Variants in N4BP1 observed in about 807,000 individuals in gnomAD.
N4BP1 encodes NEDD4-binding protein 1.
In N4BP1, 21 loss-of-function variants were observed where a neutral mutation model predicts 70.9. The observed-to-expected ratio is 0.30, with a 90% CI of 0.21 to 0.43. The LOEUF (loss-of-function observed/expected upper bound fraction) is 0.43. Among genes scored for constraint, N4BP1 ranks in the 20% least tolerant of loss-of-function variants. The pLI, the probability that N4BP1 is intolerant of heterozygous loss-of-function variation, is 1.00. For missense variants in N4BP1, 936 were observed against 1,069.4 expected (o/e 0.88, Z 1.74); for synonymous variants, 387 against 394.6 (o/e 0.98, Z 0.23).
At chr16:48,608,821 G>A (rs1324540579) in intron 1 of N4BP1, among the ~76,000 whole-genome samples, 5 of 151,898 alleles carry the variant, frequency 3.3e-5, no homozygotes, top group South Asian at 2.1e-4. Flanking sequence ...AAGCCATAAG[G>A]GCTGCACATT....
At chr16:48,597,335 G>A (rs2151101164) in intron 1 of N4BP1, among the ~76,000 whole-genome samples, 1 of 152,292 alleles carries the variant, frequency 6.6e-6, no homozygotes, top group Middle Eastern at 3.4e-3. Context: ...GGTATATGAA[G>A]CTGTCCTCAC....
intron 1 of N4BP1, among the ~76,000 whole-genome samples, chr16:48,570,073 C>T (rs778062206): frequency 1.3e-5 from 2 of 151,468 alleles, no homozygotes; most frequent in Non-Finnish European, 2.9e-5. Context: ...GAAAGGTTCT[C>T]CTACGTTGGA....
At chr16:48,602,994 G>A (rs1466104816) in intron 1 of N4BP1, among the ~76,000 whole-genome samples, 3 of 151,310 alleles carry the variant, frequency 2.0e-5, no homozygotes, top group Non-Finnish European at 3.0e-5. Flanking sequence ...ACACACACAC[G>A]CACGCACACG....
At chr16:48,587,568 T>C (rs113566026) in intron 1 of N4BP1, among the ~76,000 whole-genome samples, 173 of 152,326 alleles carry the variant, frequency 1.1e-3, no homozygotes, top group African/African-American at 3.1e-3. Context: ...ACACTCAAAA[T>C]TCAGGAATTA....
chr16:48,551,466 G>A lies in N4BP1; in HGVS notation c.2037C>T (p.Thr679=). Residue 679 remains threonine, a synonymous_variant, in exon 4 of 7, where the codon ACC becomes ACT. Transcript: ENST00000262384. ...ATAATATTCCGAGCTCCTGGAGCTG[G>A]GTTAAGAAGTGCTGTTCTGTTCATG... ...DPNVTEQHFL[T]QLQELGILSL... 1 of 1,613,066 alleles carries A rather than the reference G, an allele frequency of 6.2e-7. No individual in the cohort carries two copies. Among genetic ancestry groups the A allele is most frequent in the Non-Finnish European group, 8.5e-7 (1 of 1,179,252 alleles).
At chr16:48,599,880 G>C (rs1045467170) in intron 1 of N4BP1, among the ~76,000 whole-genome samples, 8 of 151,934 alleles carry the variant, frequency 5.3e-5, no homozygotes, top group Admixed American at 2.0e-4. Flanking sequence ...TGACCATAAG[G>C]GTACAGTTTG....
chr16:48,547,962 T>C (rs755995018), intron 5 of N4BP1, 45 bp downstream of exon 5: 1 of 1,306,928 alleles, frequency 7.7e-7, no homozygotes, highest in African/African-American at 1.5e-5. Flanking sequence ...AACAAACAAT[T>C]AAAAACAAAA....
At chr16:48,604,611 A>C (rs991885116) in intron 1 of N4BP1, among the ~76,000 whole-genome samples, 2 of 143,850 alleles carry the variant, frequency 1.4e-5, no homozygotes, top group Admixed American at 1.4e-4. Flanking sequence ...GTAAAAAAAA[A>C]AACAAAAACA....
intron 1 of N4BP1, among the ~76,000 whole-genome samples, chr16:48,574,299 T>C (rs530757456): frequency 4.0e-4 from 61 of 152,366 alleles, no homozygotes; most frequent in Non-Finnish European, 6.9e-4. Context: ...GTGTCGCTGA[T>C]AGTTTTGGCC....
At chr16:48,589,684 A>T (rs1259271218) in intron 1 of N4BP1, among the ~76,000 whole-genome samples, 1 of 152,216 alleles carries the variant, frequency 6.6e-6, no homozygotes, top group Admixed American at 6.5e-5. Flanking sequence ...AGTCATAATC[A>T]CAAAACAACC....
At chr16:48,607,785 C>G (rs1432982288) in intron 1 of N4BP1, among the ~76,000 whole-genome samples, 2 of 152,220 alleles carry the variant, frequency 1.3e-5, no homozygotes, top group African/African-American at 4.8e-5. Context: ...GACCAGCTGT[C>G]TGCAATCCAA....
At chr16:48,557,851 G>C (rs1963778825) in intron 2 of N4BP1, among the ~76,000 whole-genome samples, 1 of 152,160 alleles carries the variant, frequency 6.6e-6, no homozygotes, top group South Asian at 2.1e-4. Context: ...ATGGGTATTA[G>C]AGGTAGTTCA....
chr16:48,600,260 A>G, intron 1 of N4BP1: 1 of 1,042,530 alleles, frequency 9.6e-7, no homozygotes, highest in Non-Finnish European at 1.5e-6. Flanking sequence ...GATTTTGTAA[A>G]TCTAAATGTC....
chr16:48,601,906 C>A (rs1432801389), intron 1 of N4BP1, among the ~76,000 whole-genome samples: 1 of 152,138 alleles, frequency 6.6e-6, no homozygotes, highest in Non-Finnish European at 1.5e-5. Flanking sequence ...CAAAAAAACT[C>A]CTTTATGTTG....
chr16:48,543,105 G>T lies in N4BP1; in HGVS notation c.2490C>A (p.Phe830Leu). The T allele has an allele frequency of 6.2e-7, 1 of 1,613,310 alleles. No homozygotes were observed. Among genetic ancestry groups the T allele is most frequent in the Non-Finnish European group, 8.5e-7 (1 of 1,179,316 alleles). The change falls in exon 7 of 7, where the codon TTC (phenylalanine) becomes TTA (leucine). Residue 830 changes from phenylalanine to leucine, a missense_variant. Physicochemically the swap from Phe to Leu is conservative, Grantham distance 22. Coordinates refer to ENST00000262384, the MANE Select transcript of N4BP1 (RefSeq NM_153029.4). Reference sequence around the variant, plus strand: ...GACTGGGGAGGGCTGGCAGCAGTGGGAAGTGGGGCTGCTGAGGGAGCCAGT... The same window carrying T: ...GACTGGGGAGGGCTGGCAGCAGTGGTAAGTGGGGCTGCTGAGGGAGCCAGT... ...SSHWLPQQPH[F>L]PLLPALPSLQ...
At chr16:48,575,120 T>C (rs1964073917) in intron 1 of N4BP1, among the ~76,000 whole-genome samples, 1 of 152,228 alleles carries the variant, frequency 6.6e-6, no homozygotes, top group Non-Finnish European at 1.5e-5. Context: ...CAACTTACTC[T>C]TCTGAAGTAC....
At chr16:48,567,363 T>C (rs895635736) in intron 1 of N4BP1, among the ~76,000 whole-genome samples, 1 of 152,148 alleles carries the variant, frequency 6.6e-6, no homozygotes, top group African/African-American at 2.4e-5. Flanking sequence ...TGCCCAGGCT[T>C]GAGTGCAGTG....
intron 1 of N4BP1, among the ~76,000 whole-genome samples, chr16:48,571,719 C>T (rs569751437): frequency 5.8e-4 from 88 of 151,978 alleles, no homozygotes; most frequent in Middle Eastern, 3.4e-3. Flanking sequence ...AAATAAGAAT[C>T]AATAGAAAAA....
intron 1 of N4BP1, among the ~76,000 whole-genome samples, chr16:48,581,377 C>G (rs542453754): frequency 1.3e-5 from 2 of 152,000 alleles, no homozygotes; most frequent in African/African-American, 4.8e-5. Context: ...CAAAGAAGCC[C>G]GCTCTTTCAA....
Sources: allele counts gnomAD v4.1 joint callset (sites outside exome capture counted in the v4.1 genomes callset), GRCh38; gene constraint gnomAD v4.1.1; transcripts MANE v1.5; gene names NCBI Gene and HGNC (gene_info 2026-07-23, HGNC 2026-07-21).